Variants in GSN observed in about 807,000 individuals in gnomAD.
GSN encodes gelsolin, also known as actin-depolymerizing factor.
Under a neutral mutation model 85.7 loss-of-function variants are expected in GSN, and 56 were observed. The observed-to-expected ratio is 0.65, with a 90% CI of 0.53 to 0.82. The LOEUF is 0.82. Among genes scored for constraint, GSN ranks in the 40% least tolerant of loss-of-function variants. The probability of loss-of-function intolerance (pLI) is 0.00; values close to 1 mark genes in which losing one functional copy is unlikely to be tolerated. For synonymous variants in GSN, 373 were observed against 399.1 expected (o/e 0.93, Z 0.78); for missense variants, 857 against 979.8 (o/e 0.87, Z 1.67).
intron 16 of GSN, among the ~76,000 whole-genome samples, chr9:121,331,029 C>G (rs1327394224): frequency 6.6e-6 from 1 of 152,154 alleles, no homozygotes; most frequent in Non-Finnish European, 1.5e-5. Flanking sequence ...CTGAGGCAAA[C>G]TAGAACTGCT....
At chr9:121,243,315 A>T (rs2054639926) in intron 5 of GSN, among the ~76,000 whole-genome samples, 1 of 152,196 alleles carries the variant, frequency 6.6e-6, no homozygotes, top group African/African-American at 2.4e-5. Flanking sequence ...ATCCTTTATA[A>T]GGAAACTTAC....
upstream of GSN, chr9:121,203,165 A>G: frequency 6.7e-6 from 1 of 149,332 alleles, no homozygotes; most frequent in Non-Finnish European, 1.5e-5. Context: ...GAGGGCTGGT[A>G]GTCTGCGCCT....
chr9:121,204,202 C>T (rs1343769692), upstream of GSN, among the ~76,000 whole-genome samples: 4 of 152,332 alleles, frequency 2.6e-5, no homozygotes, highest in South Asian at 4.1e-4. Flanking sequence ...CGCATGAAGT[C>T]AGTACTATAT....
chr9:121,237,886 C>T (rs1437951296), intron 5 of GSN, among the ~76,000 whole-genome samples: 3 of 152,210 alleles, frequency 2.0e-5, no homozygotes, highest in Non-Finnish European at 4.4e-5. Context: ...CCTGCAGCTA[C>T]TTTTAGCAAA....
At chr9:121,263,846 G>A (rs1304143452), upstream of GSN, among the ~76,000 whole-genome samples, 5 of 140,634 alleles carry the variant, frequency 3.6e-5, no homozygotes, top group East Asian at 4.3e-4. Context: ...CCGAGATTGC[G>A]CCATTGCACT....
At chr9:121,211,594 T>A (rs1453905415) in intron 4 of GSN, among the ~76,000 whole-genome samples, 2 of 152,214 alleles carry the variant, frequency 1.3e-5, no homozygotes, top group Non-Finnish European at 1.5e-5. Flanking sequence ...GAACTGGGAA[T>A]GAGAGCTTGA....
At chr9:121,268,311 C>CCCGCGCCTGGAGCTCGGCCCGG (rs1385920037) in intron 1 of GSN, 92 bp downstream of exon 1, 1 of 152,240 alleles carries the variant, frequency 6.6e-6, no homozygotes, top group Non-Finnish European at 1.5e-5. Flanking sequence ...TCCTATCTCG[C>CCCGCGCCTGGAGCTCGGCCCGG]CCGCGCCTGG....
In GSN at chr9:121,272,827, A is replaced by G. The variant is rs190205376; in HGVS notation, c.-103+4608A>G. ...TCAGTTTAGAAAAATGAAAGGACTTACGTTCTCTTCTTTGAGTCTCACAAT... is the reference window on the plus strand; with the variant it reads ...TCAGTTTAGAAAAATGAAAGGACTTGCGTTCTCTTCTTTGAGTCTCACAAT... On this transcript the variant is annotated intron_variant, in intron 1 of 17. Transcript: ENST00000432226. Among the ~76,000 whole-genome samples the G allele has an allele frequency of 3.8e-4, 58 of 152,318 alleles. No homozygotes were observed. The Middle Eastern group carries it at 0.014, about 36-fold the overall frequency.
intron 4 of GSN, among the ~76,000 whole-genome samples, chr9:121,223,192 C>T (rs1431124480): frequency 6.6e-6 from 1 of 152,158 alleles, no homozygotes; most frequent in East Asian, 1.9e-4. Context: ...TACTAATCAC[C>T]GGTTTCAGGT....
At chr9:121,266,323 G>A (rs750573235), upstream of GSN, among the ~76,000 whole-genome samples, 2 of 152,210 alleles carry the variant, frequency 1.3e-5, no homozygotes, top group African/African-American at 4.8e-5. Context: ...TCTGAGAGCA[G>A]TTGCTGGGGC....
At chr9:121,325,853 T>A (rs2063090162) in intron 12 of GSN, among the ~76,000 whole-genome samples, 1 of 151,926 alleles carries the variant, frequency 6.6e-6, no homozygotes, top group South Asian at 2.1e-4. Flanking sequence ...GTGCCCAAGT[T>A]CTCACCATCA....
chr9:121,236,368 C>T (rs1446369824), intron 5 of GSN, among the ~76,000 whole-genome samples: 5 of 151,876 alleles, frequency 3.3e-5, no homozygotes, highest in East Asian at 3.9e-4. Flanking sequence ...TACTGATACA[C>T]GCTACCACGG....
chr9:121,310,074 G>A (rs1425605000), intron 4 of GSN: 1 of 152,992 alleles, frequency 6.5e-6, no homozygotes, highest in Middle Eastern at 3.1e-3. Flanking sequence ...AAAAAGAAAG[G>A]AAAGAAAAAA....
intron 4 of GSN, among the ~76,000 whole-genome samples, chr9:121,305,716 A>G (rs2060337250): frequency 6.6e-6 from 1 of 152,192 alleles, no homozygotes. Flanking sequence ...CTGGGCCCAG[A>G]TTTGGGGCTT....
rs4837826 is a variant in GSN, at chr9:121,261,851, C to A, written c.-340-3303C>A. On this transcript the variant is annotated intron_variant, in intron 6 of 24. Coordinates refer to the GSN transcript ENST00000373823. This position sits in a 1 kb window ranked among gnomAD's most constrained non-coding sequence, Gnocchi z 4.1. Reference sequence around the variant, plus strand: ...GAATTCATTTAATTTCCCCATAATTCTTTGAGTGGATATTATCATCAGAGG... The same window carrying A: ...GAATTCATTTAATTTCCCCATAATTATTTGAGTGGATATTATCATCAGAGG... Among the ~76,000 whole-genome samples the A allele has an allele frequency of 0.38, 57,501 of 152,070 alleles. 13,559 individuals are homozygous for A. The highest frequency in any genetic ancestry group is 0.62 in the East Asian group (3,185 of 5,154).
Position 121,299,412 on chromosome 9 carries a change from C to G in GSN, c.-9-2551C>G, listed in dbSNP as rs772146649. 15 of 979,240 alleles carry G rather than the reference C, an allele frequency of 1.5e-5. No homozygotes were observed. The highest frequency in any genetic ancestry group is 7.0e-5 in the African/African-American group (4 of 57,118). 60.7% of individuals were successfully genotyped at this position (979,240 alleles called of 1,614,324 possible). Reference sequence around the variant, plus strand: ...GCTTCACCACTCTGCGCTGTTCCCCCCTCTGTAAAATGGGTTGGCCGTTGT... The same window carrying G: ...GCTTCACCACTCTGCGCTGTTCCCCGCTCTGTAAAATGGGTTGGCCGTTGT... On this transcript the variant is annotated intron_variant, in intron 2 of 17. Coordinates refer to ENST00000432226, the MANE Select transcript of GSN (RefSeq NM_198252.3). The surrounding 1 kb of genome is among the most constrained non-coding windows in gnomAD (Gnocchi z 4.2).
At chr9:121,295,334 T>C (rs1475938456) in intron 2 of GSN, among the ~76,000 whole-genome samples, 1 of 152,226 alleles carries the variant, frequency 6.6e-6, no homozygotes, top group Non-Finnish European at 1.5e-5. Flanking sequence ...CTTCTCTGTT[T>C]ACTGACCATT....
At chr9:121,290,517 C>A (rs576365967) in intron 2 of GSN, among the ~76,000 whole-genome samples, 51 of 152,286 alleles carry the variant, frequency 3.3e-4, no homozygotes, top group African/African-American at 1.2e-3. Flanking sequence ...TGTGAAGAAT[C>A]TCTAATCATG....
chr9:121,228,883 G>A (rs879627604), intron 4 of GSN, among the ~76,000 whole-genome samples: 2 of 152,022 alleles, frequency 1.3e-5, no homozygotes, highest in Admixed American at 6.6e-5. Flanking sequence ...ACACATGCTC[G>A]CTCTGTTTCT....
Sources: gnomAD v4.1 joint callset for allele counts (sites outside exome capture counted in the v4.1 genomes callset) on GRCh38, gnomAD v4.1.1 for gene constraint, Gnocchi (gnomAD v3.1) non-coding constraint, MANE v1.5 for transcripts, NCBI Gene and HGNC (gene_info 2026-07-23, HGNC 2026-07-21) for gene names.